Variants in SCFD2 observed in about 807,000 individuals in gnomAD.
The protein encoded by SCFD2 is sec1 family domain containing 2.
Under a neutral mutation model 58.9 loss-of-function variants are expected in SCFD2, and 54 were observed. The observed-to-expected ratio is 0.92, with a 90% CI of 0.74 to 1.15. SCFD2 has a LOEUF of 1.15. Among genes scored for constraint, SCFD2 ranks in the 50% most tolerant of loss-of-function variants. The probability of loss-of-function intolerance (pLI) is 0.00; values close to 1 mark genes in which losing one functional copy is unlikely to be tolerated. For synonymous variants in SCFD2, 321 were observed against 335.9 expected (o/e 0.96, Z 0.49); for missense variants, 805 against 836.6 (o/e 0.96, Z 0.47).
At chr4:53,128,087 T>C (rs1329552226) in intron 5 of SCFD2, among the ~76,000 whole-genome samples, 1 of 144,088 alleles carries the variant, frequency 6.9e-6, no homozygotes, top group Non-Finnish European at 1.5e-5. Context: ...AAAAATCTAA[T>C]ATATGCATGT....
intron 5 of SCFD2, among the ~76,000 whole-genome samples, chr4:53,050,943 A>G (rs1723173629): frequency 6.6e-6 from 1 of 152,126 alleles, no homozygotes; most frequent in Non-Finnish European, 1.5e-5. Flanking sequence ...CCCTGGACAC[A>G]TCTTGATTAG....
chr4:53,224,788 A>G (rs1233826793), intron 4 of SCFD2, among the ~76,000 whole-genome samples: 1 of 151,288 alleles, frequency 6.6e-6, no homozygotes, highest in Non-Finnish European at 1.5e-5. Context: ...TTAGAAAACT[A>G]TGATAATAAT....
At chr4:53,127,649 T>C (rs1481050589) in intron 5 of SCFD2, among the ~76,000 whole-genome samples, 1 of 152,224 alleles carries the variant, frequency 6.6e-6, no homozygotes, top group Non-Finnish European at 1.5e-5. Flanking sequence ...TTAGCTGGGC[T>C]GGGCTGGGAA....
At chr4:52,960,715 CACACACACACACA>C (rs374413576) in intron 5 of SCFD2, among the ~76,000 whole-genome samples, 2,301 of 151,870 alleles carry the variant, frequency 0.015, 65 homozygotes, top group African/African-American at 0.053. Flanking sequence ...CTCTGACACA[CACACACACACACA>C]ACACACACAC....
At chr4:53,031,702 T>G (rs544237104) in intron 5 of SCFD2, among the ~76,000 whole-genome samples, 2 of 152,220 alleles carry the variant, frequency 1.3e-5, no homozygotes, top group African/African-American at 4.8e-5. Context: ...GAAGATCAAC[T>G]TAATGAAATA....
At chr4:53,146,561 T>C (rs2030131591) in intron 4 of SCFD2, among the ~76,000 whole-genome samples, 1 of 152,182 alleles carries the variant, frequency 6.6e-6, no homozygotes, top group South Asian at 2.1e-4. Flanking sequence ...CTAGTCTAGG[T>C]ATACAGCAGT....
chr4:53,132,621 C>T (rs1452262553), intron 5 of SCFD2, among the ~76,000 whole-genome samples: 1 of 152,082 alleles, frequency 6.6e-6, no homozygotes, highest in African/African-American at 2.4e-5. Context: ...ATGAGTGTTC[C>T]CCCTACACCC....
intron 2 of SCFD2, among the ~76,000 whole-genome samples, chr4:53,328,753 G>T (rs545226023): frequency 1.3e-5 from 2 of 152,190 alleles, no homozygotes; most frequent in Non-Finnish European, 2.9e-5. Context: ...CAAGATGGCC[G>T]AATAGGAACA....
intron 2 of SCFD2, among the ~76,000 whole-genome samples, chr4:53,340,041 A>G (rs1733813515): frequency 6.6e-6 from 1 of 152,198 alleles, no homozygotes; most frequent in Non-Finnish European, 1.5e-5. Context: ...AGTGAGAGCA[A>G]CGCAGAAGAC....
chr4:53,144,702 T>C (rs1304794922), intron 5 of SCFD2, among the ~76,000 whole-genome samples: 1 of 151,974 alleles, frequency 6.6e-6, no homozygotes, highest in Admixed American at 6.6e-5. Flanking sequence ...ATGTACTACA[T>C]TTTATTTTTC....
intron 5 of SCFD2, among the ~76,000 whole-genome samples, chr4:53,059,291 T>A (rs1388005995): frequency 6.6e-6 from 1 of 152,136 alleles, no homozygotes; most frequent in Non-Finnish European, 1.5e-5. Context: ...ATTTTACAGA[T>A]GAAGATCTGT....
intron 4 of SCFD2, among the ~76,000 whole-genome samples, chr4:53,192,135 C>A (rs1001732762): frequency 1.3e-5 from 2 of 152,066 alleles, no homozygotes; most frequent in African/African-American, 4.8e-5. Context: ...TAAGCAACAC[C>A]GAAGTTGAAC....
intron 5 of SCFD2, among the ~76,000 whole-genome samples, chr4:52,946,033 G>A (rs145409902): frequency 5.9e-5 from 9 of 152,124 alleles, no homozygotes; most frequent in African/African-American, 2.2e-4. Context: ...ATAAAACCAC[G>A]TGCATTTGGA....
chr4:53,283,055 A>G (rs1731553854), intron 3 of SCFD2, among the ~76,000 whole-genome samples: 2 of 152,216 alleles, frequency 1.3e-5, no homozygotes, highest in Non-Finnish European at 2.9e-5. Flanking sequence ...AAAGCACATG[A>G]ATCTTAAATA....
At chr4:52,990,916 G>A (rs927816543) in intron 5 of SCFD2, among the ~76,000 whole-genome samples, 1 of 152,228 alleles carries the variant, frequency 6.6e-6, no homozygotes. Flanking sequence ...AGGTGGTGGT[G>A]GAGAATGTGG....
chr4:53,253,879 TA>T (rs1036784460), intron 4 of SCFD2, among the ~76,000 whole-genome samples: 6 of 143,462 alleles, frequency 4.2e-5, no homozygotes, highest in Middle Eastern at 3.3e-3. Context: ...CCCTAAAACT[TA>T]AAGTATAATT....
intron 5 of SCFD2, among the ~76,000 whole-genome samples, chr4:53,062,541 CA>C (rs1468752402): frequency 6.6e-6 from 1 of 152,114 alleles, no homozygotes; most frequent in Non-Finnish European, 1.5e-5. Flanking sequence ...AAGAACCAAA[CA>C]AAGAATGACA....
chr4:53,329,916 G>A (rs1303567155), intron 2 of SCFD2, among the ~76,000 whole-genome samples: 8 of 151,996 alleles, frequency 5.3e-5, no homozygotes, highest in Admixed American at 5.2e-4. Flanking sequence ...TGATGCAGCT[G>A]AAAACCAAGG....
At chr4:53,082,039 T>C (rs532428493) in intron 5 of SCFD2, among the ~76,000 whole-genome samples, 1 of 152,228 alleles carries the variant, frequency 6.6e-6, no homozygotes, top group Non-Finnish European at 1.5e-5. Flanking sequence ...CAGTACTTCA[T>C]CTATTTTCAT....
Sources: gnomAD v4.1 joint callset for allele counts (sites outside exome capture counted in the v4.1 genomes callset) on GRCh38, gnomAD v4.1.1 for gene constraint, MANE v1.5 for transcripts, NCBI Gene and HGNC (gene_info 2026-07-23, HGNC 2026-07-21) for gene names.